Variants in NAALADL2 observed in about 807,000 individuals in gnomAD.
The protein encoded by NAALADL2 is N-acetylated alpha-linked acidic dipeptidase like 2, also known as inactive N-acetylated-alpha-linked acidic dipeptidase-like protein 2.
In NAALADL2, 76 loss-of-function variants were observed where a neutral mutation model predicts 87.2. The observed-to-expected ratio is 0.87, with a 90% CI of 0.72 to 1.05. The LOEUF is 1.05. Among genes scored for constraint, NAALADL2 ranks in the 50% least tolerant of loss-of-function variants. The pLI, the probability that NAALADL2 is intolerant of heterozygous loss-of-function variation, is 0.00. For missense variants in NAALADL2, 1,089 were observed against 945.8 expected (o/e 1.15, Z -1.99); for synonymous variants, 354 against 331.0 (o/e 1.07, Z -0.75).
chr3:175,744,504 A>G (rs938235170), intron 12 of NAALADL2, among the ~76,000 whole-genome samples: 2 of 152,256 alleles, frequency 1.3e-5, no homozygotes, highest in African/African-American at 4.8e-5. Flanking sequence ...CAAGCAAAGC[A>G]AAACAAAGTG....
rs1440653935 is a variant in NAALADL2 at position 175,460,160 on chromosome 3, A to G, written c.1235-3241A>G. On this transcript the variant is annotated intron_variant, in intron 6 of 13. Transcript: ENST00000454872. Reference sequence around the variant, plus strand: ...TACCAACGGATTGTTCAAATTAGCAATGCCAACAGCAGCAGGTGTGTCTTT... The same window carrying G: ...TACCAACGGATTGTTCAAATTAGCAGTGCCAACAGCAGCAGGTGTGTCTTT... The G allele has an allele frequency of 6.6e-6, 3 of 456,436 alleles. No homozygotes were observed. In the Admixed American group the frequency reaches 7.1e-5, roughly 11 times the overall value. The allele number at this position is 456,436 out of a possible 1,614,324, so 28.3% of individuals were successfully genotyped here.
chr3:174,969,194 G>A (rs1743274932), intron 1 of NAALADL2, among the ~76,000 whole-genome samples: 1 of 152,000 alleles, frequency 6.6e-6, no homozygotes, highest in African/African-American at 2.4e-5. Context: ...CAGAGACCTA[G>A]TTCTCCCATC....
intron 2 of NAALADL2, among the ~76,000 whole-genome samples, chr3:175,133,128 G>A (rs1421364202): frequency 2.0e-5 from 3 of 150,206 alleles, no homozygotes; most frequent in Admixed American, 6.6e-5. Flanking sequence ...ACGATGGGCG[G>A]CCGGGCAGAG....
At chr3:174,876,503 A>C (rs1378383365) in intron 1 of NAALADL2, among the ~76,000 whole-genome samples, 1 of 152,178 alleles carries the variant, frequency 6.6e-6, no homozygotes, top group Non-Finnish European at 1.5e-5. Flanking sequence ...AATTATACGC[A>C]TAGGTAGGAG....
intron 3 of NAALADL2, among the ~76,000 whole-genome samples, chr3:174,768,440 T>C (rs1438457341): frequency 6.6e-6 from 1 of 152,170 alleles, no homozygotes. Flanking sequence ...TTTTCATTTA[T>C]AAAGTAGAAA....
chr3:174,665,181 AATT>A (rs775857890), intron 2 of NAALADL2, among the ~76,000 whole-genome samples: 10 of 152,214 alleles, frequency 6.6e-5, no homozygotes, highest in Non-Finnish European at 1.3e-4. Context: ...ATTTCCTTGG[AATT>A]ATTATGAGCA....
chr3:174,776,588 A>G (rs1288179607), intron 3 of NAALADL2, among the ~76,000 whole-genome samples: 1 of 152,166 alleles, frequency 6.6e-6, no homozygotes, highest in Non-Finnish European at 1.5e-5. Context: ...GAAATTTGCC[A>G]CTTAGAAAAC....
chr3:175,768,879 T>G (rs1749106499), intron 13 of NAALADL2, among the ~76,000 whole-genome samples: 1 of 151,252 alleles, frequency 6.6e-6, no homozygotes, highest in Non-Finnish European at 1.5e-5. Flanking sequence ...TTGTAGTAAC[T>G]TCACAGAAAG....
chr3:175,442,992 G>A (rs1436982044), intron 5 of NAALADL2, among the ~76,000 whole-genome samples: 1 of 152,094 alleles, frequency 6.6e-6, no homozygotes, highest in African/African-American at 2.4e-5. Context: ...AATAAAAATA[G>A]TACATGTGTT....
At chr3:174,722,342 A>G (rs1021660759) in intron 2 of NAALADL2, among the ~76,000 whole-genome samples, 1 of 152,168 alleles carries the variant, frequency 6.6e-6, no homozygotes, top group Non-Finnish European at 1.5e-5. Context: ...TTTCCAAGGA[A>G]CTTGAACTTT....
chr3:174,791,880 C>T (rs1196067578), intron 3 of NAALADL2, among the ~76,000 whole-genome samples: 1 of 152,058 alleles, frequency 6.6e-6, no homozygotes, highest in East Asian at 1.9e-4. Context: ...GTACCTGGCA[C>T]AGAGGAAGTG....
intron 9 of NAALADL2, among the ~76,000 whole-genome samples, chr3:175,522,427 G>A (rs866867722): frequency 6.6e-6 from 1 of 152,184 alleles, no homozygotes; most frequent in South Asian, 2.1e-4. Flanking sequence ...TCCCATACCT[G>A]AAATAATATC....
At chr3:175,460,178 G>A (rs772756562) in intron 6 of NAALADL2, 2 of 456,350 alleles carry the variant, frequency 4.4e-6, no homozygotes, top group African/African-American at 2.0e-5. Context: ...AGCAGCAGGT[G>A]TGTCTTTAGA....
chr3:174,471,206 T>TA (rs911629532), intron 1 of NAALADL2, among the ~76,000 whole-genome samples: 26 of 144,162 alleles, frequency 1.8e-4, no homozygotes, highest in African/African-American at 6.3e-4. Context: ...AAAACCTTAC[T>TA]TTTTTTTTTT....
At chr3:174,624,054 CACTT>C (rs764628759) in intron 2 of NAALADL2, among the ~76,000 whole-genome samples, 5 of 151,968 alleles carry the variant, frequency 3.3e-5, no homozygotes, top group African/African-American at 7.3e-5. Context: ...ATTCAGAAAA[CACTT>C]AGATGTCTTA....
At chr3:175,413,919 T>C (rs1242606975) in intron 5 of NAALADL2, among the ~76,000 whole-genome samples, 1 of 152,208 alleles carries the variant, frequency 6.6e-6, no homozygotes, top group Non-Finnish European at 1.5e-5. Context: ...GTTGTCCCCA[T>C]TTAGAACTGT....
chr3:175,713,617 A>C (rs1315444572), intron 11 of NAALADL2, among the ~76,000 whole-genome samples: 1 of 152,182 alleles, frequency 6.6e-6, no homozygotes, highest in Non-Finnish European at 1.5e-5. Flanking sequence ...TGATAAAGGC[A>C]GTTCCTACAC....
rs77873488 is a variant in NAALADL2 at position 174,741,122 on chromosome 3, A to G, written c.-9+3376A>G. Among the ~76,000 whole-genome samples, 18 of 151,860 alleles carry G rather than the reference A, an allele frequency of 1.2e-4. No homozygotes were observed. The East Asian group carries it at 2.7e-3, about 23-fold the overall frequency. Reference sequence around the variant, plus strand: ...TCATGATCTGTACATTTCTGAACCAATGGATTTAGGTAAAGAGTCTTGCTG... The same window carrying G: ...TCATGATCTGTACATTTCTGAACCAGTGGATTTAGGTAAAGAGTCTTGCTG... On this transcript the variant is annotated intron_variant, in intron 3 of 3. Transcript: ENST00000434257.
chr3:175,324,154 T>G (rs1271062997), intron 4 of NAALADL2, 21 bp from the exon 5 acceptor site: 1 of 1,608,802 alleles, frequency 6.2e-7, no homozygotes, highest in East Asian at 2.2e-5. Flanking sequence ...ATATTTTTAA[T>G]AGCTTGCTTC....
Sources: gnomAD v4.1 joint callset for allele counts (sites outside exome capture counted in the v4.1 genomes callset) on GRCh38, gnomAD v4.1.1 for gene constraint, MANE v1.5 for transcripts, NCBI Gene and HGNC (gene_info 2026-07-23, HGNC 2026-07-21) for gene names.